The following FRMD5 variants were observed in gnomAD, a reference collection of about 807,000 sequenced individuals.
The protein encoded by FRMD5 is FERM domain containing 5.
FRMD5 carries 20 observed loss-of-function variants against 69.0 expected under a neutral mutation model. That is an observed-to-expected ratio of 0.29 (90% confidence interval 0.20 to 0.42). The LOEUF (loss-of-function observed/expected upper bound fraction) is 0.42. Ranked by LOEUF, FRMD5 falls within the 10% of genes least tolerant of loss-of-function variation. The pLI is 1.00. For synonymous variants in FRMD5, 271 were observed against 260.1 expected, an observed-to-expected ratio of 1.04 and a Z score of -0.40; for missense variants, 595 against 708.6, an observed-to-expected ratio of 0.84 and a Z score of 1.82.
At chr15:44,160,508 T>C (rs2077600225) in intron 1 of FRMD5, among the ~76,000 whole-genome samples, 1 of 152,244 alleles carries the variant, frequency 6.6e-6, no homozygotes, top group African/African-American at 2.4e-5. Flanking sequence ...AGCTTACCAG[T>C]TTATAAACAT....
chr15:44,142,196 G>A (rs976534460), intron 1 of FRMD5, among the ~76,000 whole-genome samples: 1 of 152,102 alleles, frequency 6.6e-6, no homozygotes, highest in African/African-American at 2.4e-5. Flanking sequence ...AATTAATACT[G>A]ATCCACTTAA....
intron 1 of FRMD5, among the ~76,000 whole-genome samples, chr15:43,966,111 C>G (rs941783226): frequency 5.9e-5 from 9 of 151,964 alleles, no homozygotes; most frequent in African/African-American, 2.2e-4. Flanking sequence ...CGGTGACTTA[C>G]GCCTGTCACC....
chr15:44,175,678 C>A (rs2077882458), intron 1 of FRMD5, among the ~76,000 whole-genome samples: 1 of 152,002 alleles, frequency 6.6e-6, no homozygotes, highest in African/African-American at 2.4e-5. Context: ...CTTTTTGCAG[C>A]CTTATTCATA....
intron 1 of FRMD5, among the ~76,000 whole-genome samples, chr15:43,970,654 G>A (rs1459845824): frequency 2.6e-5 from 4 of 152,042 alleles, no homozygotes; most frequent in Non-Finnish European, 4.4e-5. Context: ...GCAGGGTTTC[G>A]CCATGTTGGC....
At position 43,873,754 on chromosome 15, in the gene FRMD5, C is replaced by T; in HGVS notation, c.*131G>A. The T allele has an allele frequency of 6.5e-7, 1 of 1,529,536 alleles. No individual in the cohort carries two copies. The highest frequency in any genetic ancestry group is 1.2e-5 in the South Asian group (1 of 81,868). 94.7% of individuals were successfully genotyped at this position (1,529,536 alleles called of 1,614,324 possible). A position where few individuals can be genotyped will look rare whatever the true frequency, so the allele number is the denominator to read the frequency against. The stretch of plus-strand genomic sequence containing the variant: ...TTCTGGGAAACACCCTCCTAGGCTG[C>T]AGTGGACTTTGAGTCATGAGAGGAG... On this transcript the variant is annotated 3_prime_UTR_variant, in exon 14 of 14. Transcript: ENST00000417257.
intron 1 of FRMD5, among the ~76,000 whole-genome samples, chr15:43,948,857 A>G (rs1427163106): frequency 1.3e-5 from 2 of 152,240 alleles, no homozygotes; most frequent in Non-Finnish European, 2.9e-5. Flanking sequence ...GTCACATGCA[A>G]ATCTTCTAAG....
intron 1 of FRMD5, among the ~76,000 whole-genome samples, chr15:44,173,448 A>C (rs1219972024): frequency 6.6e-6 from 1 of 152,208 alleles, no homozygotes; most frequent in Non-Finnish European, 1.5e-5. Flanking sequence ...AAAACTCCAA[A>C]AATGAGAGAC....
chr15:43,902,310 G>T, intron 6 of FRMD5, 48 bp from the exon 7 acceptor site: 1 of 1,456,736 alleles, frequency 6.9e-7, no homozygotes, highest in Non-Finnish European at 9.6e-7. Context: ...GTTCCCACAG[G>T]TTCCCCTGAG....
chr15:44,178,526 A>G (rs2077940090), intron 1 of FRMD5, among the ~76,000 whole-genome samples: 4 of 152,186 alleles, frequency 2.6e-5, no homozygotes, highest in Admixed American at 2.6e-4. Context: ...CAGAATGACA[A>G]TATAGTCGAA....
chr15:43,996,464 C>T (rs1485443338), intron 1 of FRMD5, among the ~76,000 whole-genome samples: 1 of 152,140 alleles, frequency 6.6e-6, no homozygotes, highest in Non-Finnish European at 1.5e-5. Context: ...CTGCCCTCTT[C>T]AATGTATCTT....
chr15:43,989,932 T>G (rs1052245494), intron 1 of FRMD5: 11 of 1,139,780 alleles, frequency 9.7e-6, no homozygotes, highest in Admixed American at 5.2e-5. Flanking sequence ...GTGCCAGATC[T>G]TCTCCATGTC....
chr15:44,128,966 A>T (rs1419838492), intron 1 of FRMD5, among the ~76,000 whole-genome samples: 1 of 152,220 alleles, frequency 6.6e-6, no homozygotes, highest in East Asian at 1.9e-4. Context: ...AACAGCAGCT[A>T]GGAGTACAAC....
At chr15:44,025,745 G>A (rs1023268507) in intron 1 of FRMD5, among the ~76,000 whole-genome samples, 2 of 152,192 alleles carry the variant, frequency 1.3e-5, no homozygotes, top group African/African-American at 4.8e-5. Flanking sequence ...AAAGCCAACA[G>A]ATATGGATGC....
At chr15:43,929,086 A>G (rs1254782228) in intron 1 of FRMD5, among the ~76,000 whole-genome samples, 1 of 152,224 alleles carries the variant, frequency 6.6e-6, no homozygotes, top group Non-Finnish European at 1.5e-5. Flanking sequence ...TATATGGTGC[A>G]CAGAATGATT....
At chr15:44,104,732 T>C (rs571943620) in intron 1 of FRMD5, among the ~76,000 whole-genome samples, 23 of 152,200 alleles carry the variant, frequency 1.5e-4, no homozygotes, top group Non-Finnish European at 1.9e-4. Flanking sequence ...CTATGCCATC[T>C]AGGGTTGTGT....
At chr15:44,135,835 A>C (rs551426111) in intron 1 of FRMD5, among the ~76,000 whole-genome samples, 1 of 151,664 alleles carries the variant, frequency 6.6e-6, no homozygotes, top group East Asian at 1.9e-4. Context: ...AAAAAAAAAA[A>C]AAAAAAAACT....
At position 44,018,508 on chromosome 15, in the gene FRMD5, A is replaced by G. The variant is rs183105447; in HGVS notation, c.103-94199T>C. 3.4e-4 allele frequency among the ~76,000 whole-genome samples: 52 copies of G among 152,316 alleles called. No homozygotes were observed. The East Asian group carries it at 7.7e-3, about 23-fold the overall frequency. ...CTTTGCAAATAGAACACTGAAAAAA[A>G]GTATCACTTTGGGGGCATAATCATT... On this transcript the variant is annotated intron_variant, in intron 1 of 13. Coordinates refer to ENST00000417257, the MANE Select transcript of FRMD5 (RefSeq NM_032892.5).
intron 1 of FRMD5, among the ~76,000 whole-genome samples, chr15:44,075,468 CTTAAT>C (rs1321008481): frequency 3.3e-5 from 5 of 152,114 alleles, no homozygotes; most frequent in Non-Finnish European, 5.9e-5. Flanking sequence ...AGTTTCCCCT[CTTAAT>C]TTAAGTGAGT....
intron 1 of FRMD5, among the ~76,000 whole-genome samples, chr15:43,944,943 GTTTA>G (rs1318613836): frequency 1.4e-5 from 2 of 142,238 alleles, no homozygotes; most frequent in Non-Finnish European, 3.0e-5. Context: ...GTTTCTATAA[GTTTA>G]TTTATTTATT....
Sources: allele counts gnomAD v4.1 joint callset (sites outside exome capture counted in the v4.1 genomes callset), GRCh38; gene constraint gnomAD v4.1.1; transcripts MANE v1.5; gene names NCBI Gene and HGNC (gene_info 2026-07-23, HGNC 2026-07-21).